Variants in PRKG1 observed in about 807,000 individuals in gnomAD.
PRKG1 encodes protein kinase cGMP-dependent 1, also known as cGMP-dependent protein kinase 1.
A neutral mutation model predicts 88.1 loss-of-function variants in PRKG1; 35 were observed. That is an observed-to-expected ratio of 0.40 (90% CI 0.30 to 0.53). The LOEUF (loss-of-function observed/expected upper bound fraction) is 0.53. Ranked by LOEUF, PRKG1 falls within the 20% of genes least tolerant of loss-of-function variation. The pLI is 0.59. For missense variants in PRKG1, 540 were observed against 839.8 expected, an observed-to-expected ratio of 0.64 and a Z score of 4.41; for synonymous variants, 303 against 292.5, an observed-to-expected ratio of 1.04 and a Z score of -0.37.
At chr10:52,093,693 C>A (rs1847108654) in intron 7 of PRKG1, among the ~76,000 whole-genome samples, 1 of 152,072 alleles carries the variant, frequency 6.6e-6, no homozygotes, top group African/African-American at 2.4e-5. Flanking sequence ...CAAATAATCA[C>A]CTCTGTTTAT....
chr10:51,330,247 T>G (rs150874583), intron 2 of PRKG1, among the ~76,000 whole-genome samples: 3,330 of 151,366 alleles, frequency 0.022, 51 homozygotes, highest in Non-Finnish European at 0.033. Context: ...ACCTCCTGAG[T>G]TCAAGTGATT....
intron 8 of PRKG1, among the ~76,000 whole-genome samples, chr10:52,144,462 T>C (rs564549888): frequency 6.6e-6 from 1 of 152,286 alleles, no homozygotes; most frequent in Non-Finnish European, 1.5e-5. Context: ...AGGCAGACTT[T>C]TAAGATACTG....
At chr10:51,443,661 T>C (rs2132753421) in intron 2 of PRKG1, among the ~76,000 whole-genome samples, 1 of 152,178 alleles carries the variant, frequency 6.6e-6, no homozygotes, top group Non-Finnish European at 1.5e-5. Flanking sequence ...ATGAGGTTAC[T>C]CTGTTTTGTC....
At chr10:51,395,754 G>A (rs293225) in intron 2 of PRKG1, among the ~76,000 whole-genome samples, 2,812 of 152,236 alleles carry the variant, frequency 0.018, 80 homozygotes, top group African/African-American at 0.065. Context: ...TAGGGAGAAG[G>A]GTTTTGAGAT....
chr10:51,350,688 T>C (rs1476758353), intron 2 of PRKG1, among the ~76,000 whole-genome samples: 3 of 152,276 alleles, frequency 2.0e-5, no homozygotes, highest in Non-Finnish European at 4.4e-5. Flanking sequence ...CTAAAGACTC[T>C]ACAAGAAAAC....
At chr10:52,237,273 C>T (rs1278210406) in intron 9 of PRKG1, among the ~76,000 whole-genome samples, 1 of 146,082 alleles carries the variant, frequency 6.8e-6, no homozygotes, top group African/African-American at 2.6e-5. Context: ...CAGGGATGCC[C>T]TCTCTCACCA....
At chr10:52,293,746 A>C in intron 17 of PRKG1, 56 bp from the exon 18 acceptor site, 1 of 1,416,718 alleles carries the variant, frequency 7.1e-7, no homozygotes, top group Non-Finnish European at 1.0e-6. Flanking sequence ...TAAAAATTCC[A>C]GCTTGGAATT....
chr10:52,007,572 C>T (rs1417067367), intron 5 of PRKG1, among the ~76,000 whole-genome samples: 1 of 119,562 alleles, frequency 8.4e-6, no homozygotes, highest in Non-Finnish European at 1.8e-5. Context: ...AACAAGAAGA[C>T]CTAACTATCT....
At chr10:51,235,817 A>G (rs1838971482) in intron 2 of PRKG1, among the ~76,000 whole-genome samples, 1 of 152,188 alleles carries the variant, frequency 6.6e-6, no homozygotes, top group African/African-American at 2.4e-5. Flanking sequence ...ATGTAAAGCA[A>G]TTTAGAAAAA....
At chr10:52,198,451 G>A (rs1422903070) in intron 9 of PRKG1, among the ~76,000 whole-genome samples, 5 of 152,118 alleles carry the variant, frequency 3.3e-5, no homozygotes, top group African/African-American at 7.2e-5. Flanking sequence ...TGTAATGGCC[G>A]AGAATGACTT....
chr10:52,100,065 C>T (rs1297478250), intron 7 of PRKG1, among the ~76,000 whole-genome samples: 5 of 152,108 alleles, frequency 3.3e-5, no homozygotes, highest in Admixed American at 2.6e-4. Flanking sequence ...GTCAGTGGCA[C>T]TTTCAGATTT....
intron 3 of PRKG1, among the ~76,000 whole-genome samples, chr10:51,752,799 T>A (rs1837760741): frequency 6.6e-6 from 1 of 152,096 alleles, no homozygotes; most frequent in Non-Finnish European, 1.5e-5. Context: ...TAACAGACAA[T>A]GAAGATTATT....
chr10:51,466,213 C>G (rs1470527752), intron 2 of PRKG1, among the ~76,000 whole-genome samples: 1 of 152,106 alleles, frequency 6.6e-6, no homozygotes, highest in Non-Finnish European at 1.5e-5. Flanking sequence ...TGGGAACTAT[C>G]TGAAGCTTAT....
intron 5 of PRKG1, among the ~76,000 whole-genome samples, chr10:51,957,015 C>T (rs1379311470): frequency 1.3e-5 from 2 of 150,426 alleles, no homozygotes; most frequent in Non-Finnish European, 3.0e-5. Context: ...CTTTCTCTCT[C>T]TCTCTTTTCC....
At chr10:51,049,728 A>T (rs935951294) in intron 1 of PRKG1, among the ~76,000 whole-genome samples, 63 of 152,210 alleles carry the variant, frequency 4.1e-4, no homozygotes, top group Admixed American at 3.9e-3. Context: ...ACCTAGTGAC[A>T]CCTTCACAGG....
At chr10:52,084,340 T>C (rs1029217970) in intron 7 of PRKG1, among the ~76,000 whole-genome samples, 2 of 152,076 alleles carry the variant, frequency 1.3e-5, no homozygotes, top group Admixed American at 1.3e-4. Flanking sequence ...TCATTATCTT[T>C]ATTCATTCAC....
At chr10:52,147,962 G>A (rs12763968) in intron 8 of PRKG1, among the ~76,000 whole-genome samples, 2,866 of 152,210 alleles carry the variant, frequency 0.019, 43 homozygotes, top group Middle Eastern at 0.034. Flanking sequence ...ATATGTATCC[G>A]GAGAGTTCAA....
At chr10:52,268,451 A>T (rs1564538946) in intron 10 of PRKG1, among the ~76,000 whole-genome samples, 1 of 151,814 alleles carries the variant, frequency 6.6e-6, no homozygotes, top group African/African-American at 2.4e-5. Context: ...CCCCTAACAC[A>T]TGGAGGTCCC....
At chr10:51,608,956 A>C (rs1838834499) in intron 3 of PRKG1, among the ~76,000 whole-genome samples, 1 of 152,158 alleles carries the variant, frequency 6.6e-6, no homozygotes, top group Admixed American at 6.6e-5. Flanking sequence ...ATATTTTTGT[A>C]GTGCTGTATG....
Sources: gnomAD v4.1 joint callset for allele counts (sites outside exome capture counted in the v4.1 genomes callset) on GRCh38, gnomAD v4.1.1 for gene constraint, MANE v1.5 for transcripts, NCBI Gene and HGNC (gene_info 2026-07-23, HGNC 2026-07-21) for gene names.